The following C16orf54 variants were observed in gnomAD, a reference collection of about 807,000 sequenced individuals.
The protein encoded by C16orf54 is chromosome 16 open reading frame 54.
C16orf54 carries 2 observed loss-of-function variants against 3.9 expected under a neutral mutation model. That is an observed-to-expected ratio of 0.52 (90% confidence interval 0.21 to 1.63). C16orf54 has a LOEUF of 1.63. Among genes scored for constraint, C16orf54 ranks in the 40% most tolerant of loss-of-function variants. The pLI is 0.21. For synonymous variants in C16orf54, 128 were observed against 135.1 expected (o/e 0.95, Z 0.37); for missense variants, 272 against 326.3 (o/e 0.83, Z 1.28).
chr16:29,743,842 T>G lies in C16orf54; in HGVS notation c.*435A>C. The G allele has an allele frequency of 5.3e-6, 1 of 188,832 alleles. No individual in the cohort carries two copies. Among genetic ancestry groups the G allele is most frequent in the Non-Finnish European group, 1.1e-5 (1 of 92,138 alleles). 11.7% of individuals were successfully genotyped at this position (188,832 alleles called of 1,614,324 possible). A position where few individuals can be genotyped will look rare whatever the true frequency, so the allele number is the denominator to read the frequency against. ...AACAGGATTTGTGGCTCTGGGAAAC[T>G]GGATTCCTGTCATCTCCTGCCAGCT... On this transcript the variant is annotated 3_prime_UTR_variant, in exon 2 of 2. Coordinates refer to ENST00000329410, the MANE Select transcript of C16orf54 (RefSeq NM_175900.4).
In C16orf54 at chr16:29,744,013, G is replaced by T; in HGVS notation, c.*264C>A. The T allele has an allele frequency of 1.8e-6, 1 of 555,024 alleles. No homozygotes were observed. The highest frequency in any genetic ancestry group is 3.2e-6 in the Non-Finnish European group (1 of 315,708). 34.4% of individuals were successfully genotyped at this position (555,024 alleles called of 1,614,324 possible). On this transcript the variant is annotated 3_prime_UTR_variant, in exon 2 of 2. Transcript: ENST00000329410. This position sits in a 1 kb window ranked among gnomAD's most constrained non-coding sequence, Gnocchi z 7.1. The stretch of plus-strand genomic sequence containing the variant: ...TACCTTGGGTTCTTCATCTGGATGC[G>T]ATCTTGAAGGCTTCTGGCCTGGCAT...
In C16orf54 at chr16:29,744,436, G is replaced by A. The variant is rs559469333; in HGVS notation, c.516C>T (p.Pro172=). The A allele has an allele frequency of 7.0e-6, 11 of 1,569,056 alleles. No homozygotes were observed. In the East Asian group the frequency reaches 7.1e-5, roughly 10 times the overall value. ...GGACGCTGGCCTCTGGCCTCTGCTC[G>A]GGTTCAGCCCAGCTCACCAGGCCTG... ...PATGLVSWAE[P]EQRPEASVQF... The change falls in exon 2 of 2, where the codon CCC becomes CCT. Residue 172 remains proline (P), a synonymous_variant. Coordinates refer to ENST00000329410, the MANE Select transcript of C16orf54 (RefSeq NM_175900.4). The surrounding 1 kb of genome is among the most constrained non-coding windows in gnomAD (Gnocchi z 7.1).
Position 29,744,512 on chromosome 16 carries a change from G to C in C16orf54, c.440C>G (p.Ala147Gly), listed in dbSNP as rs1354887177. The C allele has an allele frequency of 2.6e-6, 4 of 1,534,666 alleles. No homozygotes were observed. The African/African-American group carries it at 5.6e-5, about 21-fold the overall frequency. ...LGPQTVLEVPARSTFWGPQPW... is the reference protein window; with the variant it reads ...LGPQTVLEVPGRSTFWGPQPW... ...CTGGGGCCCCCAGAAGGTGCTCCGGGCTGGGACCTCCAGTACGGTCTGGGG... is the reference window on the plus strand; with the variant it reads ...CTGGGGCCCCCAGAAGGTGCTCCGGCCTGGGACCTCCAGTACGGTCTGGGG... The change falls in exon 2 of 2, where the codon GCC becomes GGC. Residue 147 changes from alanine (A) to glycine (G), a missense_variant. Transcript: ENST00000329410. The surrounding 1 kb of genome is among the most constrained non-coding windows in gnomAD (Gnocchi z 7.1).
In C16orf54 at chr16:29,744,648, G is replaced by T; in HGVS notation, c.304C>A (p.Leu102Met). The change falls in exon 2 of 2, where the codon CTG becomes ATG. Residue 102 changes from leucine to methionine, a missense_variant. Coordinates refer to ENST00000329410, the MANE Select transcript of C16orf54 (RefSeq NM_175900.4). The surrounding 1 kb of genome is among the most constrained non-coding windows in gnomAD (Gnocchi z 7.1). ...SEDWYGSAVP[L>M]LTDRAPEPPT... ...GGCTCAGGGGCCCGATCTGTCAGCAGGGGGACCGCAGAGCCATACCAGTCC... is the reference window on the plus strand; with the variant it reads ...GGCTCAGGGGCCCGATCTGTCAGCATGGGGACCGCAGAGCCATACCAGTCC... 1 of 1,471,962 alleles carries T rather than the reference G, an allele frequency of 6.8e-7. No homozygotes were observed. The highest frequency in any genetic ancestry group is 9.0e-7 in the Non-Finnish European group (1 of 1,112,376). 91.2% of individuals were successfully genotyped at this position (1,471,962 alleles called of 1,614,324 possible).
At position 29,744,811 on chromosome 16, in the gene C16orf54, G is replaced by A; in HGVS notation, c.141C>T (p.Leu47=). Residue 47 remains leucine, a synonymous_variant, in exon 2 of 2, where the codon CTC becomes CTT. Transcript: ENST00000329410. The surrounding 1 kb of genome is among the most constrained non-coding windows in gnomAD (Gnocchi z 7.1). ...VLATLAALFI[L]TTAVLAERLF... is the part of the protein sequence containing the mutation. ...GGCGTTCAGCCAACACAGCGGTGGT[G>A]AGGATGAAGAGCGCAGCCAGGGTGG... 1 of 1,471,666 alleles carries A rather than the reference G, an allele frequency of 6.8e-7. No individual in the cohort carries two copies. The highest frequency in any genetic ancestry group is 9.0e-7 in the Non-Finnish European group (1 of 1,115,308). 91.2% of individuals were successfully genotyped at this position (1,471,666 alleles called of 1,614,324 possible).
rs1174950303 is a variant in C16orf54, at chr16:29,744,994, G to A, written c.1-43C>T. The A allele has an allele frequency of 2.9e-6, 4 of 1,382,370 alleles. No homozygotes were observed. Among genetic ancestry groups the A allele is most frequent in the South Asian group, 1.8e-5 (1 of 55,932 alleles). 85.6% of individuals were successfully genotyped at this position (1,382,370 alleles called of 1,614,324 possible). On this transcript the variant is annotated intron_variant, in intron 1 of 1. Transcript: ENST00000329410. The surrounding 1 kb of genome is among the most constrained non-coding windows in gnomAD (Gnocchi z 7.1). Reference sequence around the variant, plus strand: ...GAGAAGAGGAAGTAAATGAGGCAGAGGGGGCACAACCAAGATGAGAGAGAG... The same window carrying A: ...GAGAAGAGGAAGTAAATGAGGCAGAAGGGGCACAACCAAGATGAGAGAGAG...
chr16:29,743,794 A>T lies in C16orf54; in HGVS notation c.*483T>A, dbSNP rs1968099391. The T allele has an allele frequency of 5.9e-6, 1 of 169,740 alleles. No homozygotes were observed. Among genetic ancestry groups the T allele is most frequent in the South Asian group, 1.3e-4 (1 of 7,624 alleles). 10.5% of individuals were successfully genotyped at this position (169,740 alleles called of 1,614,324 possible). ...TTTGTGTATTTTCCTAGAGGACCTC[A>T]CAGTGGGTGAGTGGCCAAGGAGAAC... On this transcript the variant is annotated 3_prime_UTR_variant, in exon 2 of 2. Coordinates refer to ENST00000329410, the MANE Select transcript of C16orf54 (RefSeq NM_175900.4).
rs770135296 is a variant in C16orf54 at position 29,744,268 on chromosome 16, C to G, written c.*9G>C. ...CCTGCCTCGGGGATCTCTGGGGAAC[C>G]CTGGGGATTCAGAACCCCACACTGG... On this transcript the variant is annotated 3_prime_UTR_variant, in exon 2 of 2. Transcript: ENST00000329410. The surrounding 1 kb of genome is among the most constrained non-coding windows in gnomAD (Gnocchi z 7.1). 6.8e-6 allele frequency: 11 copies of G among 1,611,030 alleles called. No homozygotes were observed. Among genetic ancestry groups the G allele is most frequent in the Non-Finnish European group, 8.5e-6 (10 of 1,178,598 alleles).
chr16:29,744,776 C>T lies in C16orf54; in HGVS notation c.176G>A (p.Arg59His), dbSNP rs753940451. ...GTGGCTGGGGTCTGGGCGGAGAGCA[C>T]GGCGGAACAGGCGTTCAGCCAACAC... ...TAVLAERLFR[R>H]ALRPDPSHRA... is the part of the protein sequence containing the mutation. The change falls in exon 2 of 2, where the codon CGT becomes CAT. Residue 59 changes from arginine to histidine, a missense_variant. Arg to His is a conservative substitution (Grantham distance 29). Coordinates refer to ENST00000329410, the MANE Select transcript of C16orf54 (RefSeq NM_175900.4). The surrounding 1 kb of genome is among the most constrained non-coding windows in gnomAD (Gnocchi z 7.1). 8.2e-6 allele frequency: 12 copies of T among 1,459,338 alleles called. No homozygotes were observed. The highest frequency in any genetic ancestry group is 1.4e-5 in the African/African-American group (1 of 69,796). The allele number at this position is 1,459,338 out of a possible 1,614,324, so 90.4% of individuals were successfully genotyped here.
intron 1 of C16orf54, among the ~76,000 whole-genome samples, 166 bp downstream of exon 1, chr16:29,745,745 T>G (rs1179410153): frequency 3.3e-5 from 5 of 152,090 alleles, no homozygotes; most frequent in Non-Finnish European, 5.9e-5. Context: ...CGGAATCTGC[T>G]GCCGGGCCGG....
In C16orf54 at chr16:29,742,581, T is replaced by A. The variant is rs941256586; in HGVS notation, c.*1696A>T. 6.6e-6 allele frequency: 1 copy of A among 152,224 alleles called. No homozygotes were observed. Among genetic ancestry groups the A allele is most frequent in the African/African-American group, 2.4e-5 (1 of 41,460 alleles). 9.4% of individuals were successfully genotyped at this position (152,224 alleles called of 1,614,324 possible). A position where few individuals can be genotyped will look rare whatever the true frequency, so the allele number is the denominator to read the frequency against. ...TGTTGCAATAATTTCATTAAGTGAA[T>A]AATGAGCCAATTTAAAGAAAAATAT... On this transcript the variant is annotated 3_prime_UTR_variant, in exon 2 of 2. Transcript: ENST00000329410.
intron 1 of C16orf54, 124 bp downstream of exon 1, chr16:29,745,787 C>T (rs916466698): frequency 8.5e-5 from 13 of 153,276 alleles, no homozygotes; most frequent in Non-Finnish European, 1.6e-4. Context: ...CGCCTCTGCA[C>T]CCCTCCTGGG....
rs1337923045 is a variant in C16orf54, at chr16:29,744,748, A to G, written c.204T>C (p.Arg68=). The change falls in exon 2 of 2, where the codon CGT becomes CGC. Residue 68 remains arginine, a synonymous_variant. Transcript: ENST00000329410. This position sits in a 1 kb window ranked among gnomAD's most constrained non-coding sequence, Gnocchi z 7.1. ...CTGGGCGCCACACCAGGGTGGGTGCACGGTGGCTGGGGTCTGGGCGGAGAG... is the reference window on the plus strand; with the variant it reads ...CTGGGCGCCACACCAGGGTGGGTGCGCGGTGGCTGGGGTCTGGGCGGAGAG... The part of the protein sequence containing the change: ...RRALRPDPSH[R]APTLVWRPGG... 2.7e-6 allele frequency: 4 copies of G among 1,462,268 alleles called. No individual in the cohort carries two copies. The East Asian group carries it at 1.0e-4, about 37-fold the overall frequency. 90.6% of individuals were successfully genotyped at this position (1,462,268 alleles called of 1,614,324 possible).
At position 29,742,623 on chromosome 16, in the gene C16orf54, C is replaced by G. The variant is rs1482679005; in HGVS notation, c.*1654G>C. 3.3e-5 allele frequency: 5 copies of G among 152,054 alleles called. No homozygotes were observed. Among genetic ancestry groups the G allele is most frequent in the African/African-American group, 1.2e-4 (5 of 41,376 alleles). The allele number at this position is 152,054 out of a possible 1,614,324, so 9.4% of individuals were successfully genotyped here. On this transcript the variant is annotated 3_prime_UTR_variant, in exon 2 of 2. Transcript: ENST00000329410. ...GAAAAATATAAAGCAAATAATTGTA[C>G]AGATGGTAAACTAATATGGCAAAAT... is the stretch of plus-strand genomic sequence containing the variant.
At chr16:29,745,044 G>A (rs1968121100) in intron 1 of C16orf54, 93 bp from the exon 2 acceptor site, 3 of 1,272,980 alleles carry the variant, frequency 2.4e-6, no homozygotes, top group Non-Finnish European at 3.0e-6. Flanking sequence ...GGAAAGCCTG[G>A]GAGAAGGGCT....
chr16:29,744,594 G>C lies in C16orf54; in HGVS notation c.358C>G (p.Arg120Gly), dbSNP rs1020766444. ...PPTQVGTLEA[R>G]ATAPPAPSAP... is the part of the protein sequence containing the mutation. ...GAGGGGGCAGGTGGGGCTGTTGCTCGGGCCTCCAAAGTGCCCACCTGGGTG... is the reference window on the plus strand; with the variant it reads ...GAGGGGGCAGGTGGGGCTGTTGCTCCGGCCTCCAAAGTGCCCACCTGGGTG... The change falls in exon 2 of 2, where the codon CGA (arginine) becomes GGA (glycine). Residue 120 changes from arginine (R) to glycine (G), a missense_variant. By Grantham distance (125) the Arg-to-Gly change is moderately radical. Coordinates refer to ENST00000329410, the MANE Select transcript of C16orf54 (RefSeq NM_175900.4). The surrounding 1 kb of genome is among the most constrained non-coding windows in gnomAD (Gnocchi z 7.1). 2 of 1,466,822 alleles carry C rather than the reference G, an allele frequency of 1.4e-6. No individual in the cohort carries two copies. Among genetic ancestry groups the C allele is most frequent in the Admixed American group, 5.6e-5 (2 of 35,558 alleles). 90.9% of individuals were successfully genotyped at this position (1,466,822 alleles called of 1,614,324 possible).
At position 29,744,782 on chromosome 16, in the gene C16orf54, A is replaced by G. The variant is rs998295941; in HGVS notation, c.170T>C (p.Phe57Ser). The G allele has an allele frequency of 1.4e-6, 2 of 1,463,506 alleles. No homozygotes were observed. Among genetic ancestry groups the G allele is most frequent in the African/African-American group, 2.9e-5 (2 of 69,970 alleles). 90.7% of individuals were successfully genotyped at this position (1,463,506 alleles called of 1,614,324 possible). A position where few individuals can be genotyped will look rare whatever the true frequency, so the allele number is the denominator to read the frequency against. Reference protein sequence around the residue: ...LTTAVLAERLFRRALRPDPSH... With the variant: ...LTTAVLAERLSRRALRPDPSH... ...GGGGTCTGGGCGGAGAGCACGGCGGAACAGGCGTTCAGCCAACACAGCGGT... is the reference window on the plus strand; with the variant it reads ...GGGGTCTGGGCGGAGAGCACGGCGGGACAGGCGTTCAGCCAACACAGCGGT... Residue 57 changes from phenylalanine (F) to serine (S), a missense_variant, in exon 2 of 2, where the codon TTC (phenylalanine) becomes TCC (serine). By Grantham distance (155) the Phe-to-Ser change is radical. Coordinates refer to ENST00000329410, the MANE Select transcript of C16orf54 (RefSeq NM_175900.4). The surrounding 1 kb of genome is among the most constrained non-coding windows in gnomAD (Gnocchi z 7.1).
Position 29,744,210 on chromosome 16 carries a change from G to A in C16orf54, c.*67C>T. On this transcript the variant is annotated 3_prime_UTR_variant, in exon 2 of 2. Coordinates refer to ENST00000329410, the MANE Select transcript of C16orf54 (RefSeq NM_175900.4). This position sits in a 1 kb window ranked among gnomAD's most constrained non-coding sequence, Gnocchi z 7.1. ...TGGGGCAGTCTCAATCCTAATGCTG[G>A]ATCCTGGGGTCCCCGGTCCCACTGA... 2 of 1,395,466 alleles carry A rather than the reference G, an allele frequency of 1.4e-6. No individual in the cohort carries two copies. The highest frequency in any genetic ancestry group is 1.0e-6 in the Non-Finnish European group (1 of 1,001,660). The allele number at this position is 1,395,466 out of a possible 1,614,324, so 86.4% of individuals were successfully genotyped here.
At position 29,744,902 on chromosome 16, in the gene C16orf54, G is replaced by A. The variant is rs771675299; in HGVS notation, c.50C>T (p.Ala17Val). 1 of 1,467,302 alleles carries A rather than the reference G, an allele frequency of 6.8e-7. No individual in the cohort carries two copies. The highest frequency in any genetic ancestry group is 1.5e-5 in the South Asian group (1 of 67,842). The allele number at this position is 1,467,302 out of a possible 1,614,324, so 90.9% of individuals were successfully genotyped here. Residue 17 changes from alanine (A) to valine (V), a missense_variant, in exon 2 of 2, where the codon GCA becomes GTA. Transcript: ENST00000329410. This position sits in a 1 kb window ranked among gnomAD's most constrained non-coding sequence, Gnocchi z 7.1. ...PPSGRVEGPP[A>V]WEAAPWPSLP... The stretch of plus-strand genomic sequence containing the variant: ...TGAGGGCCATGGGGCTGCTTCCCAT[G>A]CGGGGGGCCCCTCCACGCGCCCAGA...
Sources: allele counts gnomAD v4.1 joint callset (sites outside exome capture counted in the v4.1 genomes callset), GRCh38; gene constraint gnomAD v4.1.1; non-coding constraint Gnocchi (gnomAD v3.1); transcripts MANE v1.5; gene names NCBI Gene and HGNC (gene_info 2026-07-23, HGNC 2026-07-21).